The following CDK14 variants were observed in gnomAD, a reference collection of about 807,000 sequenced individuals.
CDK14 encodes cyclin-dependent kinase 14.
Under a neutral mutation model 60.7 loss-of-function variants are expected in CDK14, and 34 were observed. The ratio of observed to expected loss-of-function variants is 0.56; its 90% CI spans 0.43 to 0.75. The LOEUF (loss-of-function observed/expected upper bound fraction) is 0.75, where lower values mean the gene tolerates loss of function less well. Among genes scored for constraint, CDK14 ranks in the 30% least tolerant of loss-of-function variants. The probability of loss-of-function intolerance (pLI) is 0.00; values close to 1 mark genes in which losing one functional copy is unlikely to be tolerated. For missense variants in CDK14, 482 were observed against 564.1 expected (o/e 0.85, Z 1.47); for synonymous variants, 197 against 203.7 (o/e 0.97, Z 0.28).
chr7:90,908,917 T>A (rs1792802098), intron 7 of CDK14, among the ~76,000 whole-genome samples: 1 of 152,198 alleles, frequency 6.6e-6, no homozygotes, highest in South Asian at 2.1e-4. Context: ...ATCTATCACC[T>A]TTGTCAATTT....
chr7:90,618,029 G>A (rs1379646376), intron 2 of CDK14, among the ~76,000 whole-genome samples: 1 of 152,202 alleles, frequency 6.6e-6, no homozygotes, highest in African/African-American at 2.4e-5. Flanking sequence ...CAAATGGTTA[G>A]TATTGAACAG....
chr7:90,740,274 G>T lies in CDK14; in HGVS notation c.370-7407G>T, dbSNP rs145138721. On this transcript the variant is annotated intron_variant, in intron 3 of 14. Transcript: ENST00000380050. ...GTGTGTATATATATATATATATAGA[G>T]AGAGAGAGAGAGAGAGAAAGAAAGA... Among the ~76,000 whole-genome samples, 91 of 122,110 alleles carry T rather than the reference G, an allele frequency of 7.5e-4. 1 individual carries two copies. Among genetic ancestry groups the T allele is most frequent in the Non-Finnish European group, 2.4e-4 (12 of 49,926 alleles). The allele number at this position is 122,110 out of a possible 152,430, so 80.1% of individuals were successfully genotyped here. A position where few individuals can be genotyped will look rare whatever the true frequency, so the allele number is the denominator to read the frequency against.
intron 14 of CDK14, among the ~76,000 whole-genome samples, chr7:91,164,914 G>C (rs1016777533): frequency 1.3e-5 from 2 of 152,080 alleles, no homozygotes; most frequent in Non-Finnish European, 2.9e-5. Flanking sequence ...CTAAAAAATA[G>C]AACAGAAAAA....
At chr7:90,622,676 A>G (rs1007191148) in intron 2 of CDK14, among the ~76,000 whole-genome samples, 9 of 152,212 alleles carry the variant, frequency 5.9e-5, no homozygotes, top group African/African-American at 1.9e-4. Flanking sequence ...AGCAATATCT[A>G]CTAACCTTAT....
intron 14 of CDK14, among the ~76,000 whole-genome samples, chr7:91,138,029 A>G (rs1293342079): frequency 6.6e-6 from 1 of 152,186 alleles, no homozygotes; most frequent in Non-Finnish European, 1.5e-5. Flanking sequence ...TGGAATGGGT[A>G]TTGAGTTTAT....
At chr7:91,149,794 G>A (rs1800779754) in intron 14 of CDK14, among the ~76,000 whole-genome samples, 1 of 152,202 alleles carries the variant, frequency 6.6e-6, no homozygotes, top group Non-Finnish European at 1.5e-5. Context: ...TGTTCTGGTT[G>A]CCCTGATACA....
chr7:91,079,478 T>A lies in CDK14; in HGVS notation c.1152T>A (p.Asn384Lys). Reference sequence around the variant, plus strand: ...CTAAAAACCTTAGACAAGCATGGAATAAGTAAGTCTTTATACAGATTGTGC... The same window carrying A: ...CTAAAAACCTTAGACAAGCATGGAAAAAGTAAGTCTTTATACAGATTGTGC... ...YSSKNLRQAWNKLSYVNHAED... is the reference protein window; with the variant it reads ...YSSKNLRQAWKKLSYVNHAED... The change falls in exon 12 of 15, where the codon AAT (asparagine) becomes AAA (lysine). Residue 384 changes from asparagine to lysine, a missense_variant and splice_region_variant. Transcript: ENST00000380050. 1.3e-6 allele frequency: 2 copies of A among 1,594,720 alleles called. No homozygotes were observed. The highest frequency in any genetic ancestry group is 1.7e-6 in the Non-Finnish European group (2 of 1,163,442).
chr7:91,126,399 G>T (rs1296097584), intron 14 of CDK14, among the ~76,000 whole-genome samples: 3 of 151,966 alleles, frequency 2.0e-5, no homozygotes, highest in African/African-American at 7.2e-5. Flanking sequence ...CTAAATGTTG[G>T]TAACATTTAA....
intron 7 of CDK14, among the ~76,000 whole-genome samples, chr7:90,914,287 G>A (rs983190596): frequency 1.3e-5 from 2 of 152,122 alleles, no homozygotes; most frequent in South Asian, 4.1e-4. Flanking sequence ...TCTTGTAACA[G>A]CCAAATCAAT....
intron 12 of CDK14, among the ~76,000 whole-genome samples, chr7:91,108,772 A>C (rs1018303363): frequency 4.5e-4 from 69 of 152,216 alleles, no homozygotes; most frequent in African/African-American, 1.5e-3. Context: ...TTTGAAAATC[A>C]CAAACCTCTG....
intron 6 of CDK14, among the ~76,000 whole-genome samples, chr7:90,898,583 T>TA (rs551299590): frequency 2.0e-5 from 3 of 152,082 alleles, no homozygotes; most frequent in Non-Finnish European, 2.9e-5. Context: ...TACATGCTTT[T>TA]AAAAAATTAT....
At position 91,201,786 on chromosome 7, in the gene CDK14, A is replaced by G. The variant is rs531966185; in HGVS notation, c.*29-5379A>G. Among the ~76,000 whole-genome samples, 9 of 152,302 alleles carry G rather than the reference A, an allele frequency of 5.9e-5. No individual in the cohort carries two copies. The South Asian group carries it at 6.2e-4, about 11-fold the overall frequency. ...TTTTAATTTGGGTCTGTTTGCTTGC[A>G]TTTAGCACTTAAGGGCTTCTACATT... On this transcript the variant is annotated intron_variant, in intron 14 of 14. Transcript: ENST00000380050.
At chr7:91,156,933 A>C (rs997957034) in intron 14 of CDK14, among the ~76,000 whole-genome samples, 1 of 152,164 alleles carries the variant, frequency 6.6e-6, no homozygotes, top group South Asian at 2.1e-4. Flanking sequence ...TGGATGATAC[A>C]ACTATATTTT....
intron 4 of CDK14, among the ~76,000 whole-genome samples, chr7:90,772,038 A>C (rs1250085468): frequency 6.6e-6 from 1 of 152,188 alleles, no homozygotes. Flanking sequence ...TTTGGGATAG[A>C]GATTTGTTGT....
intron 5 of CDK14, among the ~76,000 whole-genome samples, chr7:90,821,420 G>A (rs1395114044): frequency 6.6e-6 from 1 of 152,158 alleles, no homozygotes; most frequent in East Asian, 1.9e-4. Context: ...GACCTTTGAG[G>A]TCCATTTCAG....
chr7:90,701,343 T>C (rs1161517880), intron 2 of CDK14, among the ~76,000 whole-genome samples: 1 of 152,216 alleles, frequency 6.6e-6, no homozygotes, highest in Non-Finnish European at 1.5e-5. Context: ...GGTCAAAGCA[T>C]TCAGGCTTCC....
chr7:90,727,188 C>G (rs1337509958), intron 3 of CDK14, among the ~76,000 whole-genome samples: 2 of 152,192 alleles, frequency 1.3e-5, no homozygotes, highest in East Asian at 1.9e-4. Context: ...AATTTCATTG[C>G]AGAATAAATA....
chr7:90,941,244 A>G (rs1793923846), intron 8 of CDK14, among the ~76,000 whole-genome samples: 1 of 152,182 alleles, frequency 6.6e-6, no homozygotes, highest in African/African-American at 2.4e-5. Flanking sequence ...GGAAGCATGG[A>G]TGCACCAAAG....
At chr7:90,980,980 A>G (rs1406075620) in intron 9 of CDK14, among the ~76,000 whole-genome samples, 5 of 152,228 alleles carry the variant, frequency 3.3e-5, no homozygotes, top group Non-Finnish European at 7.3e-5. Context: ...AGCTGTGTAC[A>G]TAATGGGGGT....
Sources: allele counts gnomAD v4.1 joint callset (sites outside exome capture counted in the v4.1 genomes callset), GRCh38; gene constraint gnomAD v4.1.1; transcripts MANE v1.5; gene names NCBI Gene and HGNC (gene_info 2026-07-23, HGNC 2026-07-21).